Variants in TBL1X observed in about 807,000 individuals in gnomAD.
The protein encoded by TBL1X is F-box-like/WD repeat-containing protein TBL1X.
In TBL1X, 10 loss-of-function variants were observed where a neutral mutation model predicts 50.7. The ratio of observed to expected loss-of-function variants is 0.20; its 90% confidence interval spans 0.12 to 0.33. TBL1X has a LOEUF of 0.33. Among genes scored for constraint, TBL1X ranks in the 10% least tolerant of loss-of-function variants. The pLI, the probability that TBL1X is intolerant of heterozygous loss-of-function variation, is 1.00. For synonymous variants in TBL1X, 190 were observed against 214.7 expected (o/e 0.88, Z 1.01); for missense variants, 340 against 504.4 (o/e 0.67, Z 3.12).
At chrX:9,600,469 C>CGGG (rs1236527927) in intron 2 of TBL1X, among the ~76,000 whole-genome samples, 161 of 11,288 alleles carry the variant, frequency 0.014, 2 homozygotes, top group African/African-American at 0.029. Context: ...ATTTGGTGGG[C>CGGG]GGGGGGGGGG....
At chrX:9,655,148 C>T (rs996733718) in intron 5 of TBL1X, among the ~76,000 whole-genome samples, 5 of 111,179 alleles carry the variant, frequency 4.5e-5, no homozygotes, top group African/African-American at 9.8e-5. Context: ...AAGCGACATA[C>T]GGTGCAGGTG....
intron 2 of TBL1X, among the ~76,000 whole-genome samples, chrX:9,507,626 G>A (rs1054176705): frequency 3.6e-5 from 4 of 111,742 alleles, no homozygotes; most frequent in African/African-American, 6.5e-5. Context: ...AAGATCCCAC[G>A]TAGCCAAGAC....
At chrX:9,544,012 A>G (rs1478383756) in intron 2 of TBL1X, among the ~76,000 whole-genome samples, 1 of 110,736 alleles carries the variant, frequency 9.0e-6, no homozygotes, top group Non-Finnish European at 1.9e-5. Context: ...TGCCCTCCCC[A>G]CCCCTGCCCC....
At chrX:9,700,750 G>A (rs1215643554) in intron 12 of TBL1X, among the ~76,000 whole-genome samples, 2 of 111,130 alleles carry the variant, frequency 1.8e-5, no homozygotes, top group East Asian at 2.8e-4. Flanking sequence ...GTAACACCTC[G>A]TGGGGGCGCC....
chrX:9,614,482 G>C (rs761103638), intron 2 of TBL1X, among the ~76,000 whole-genome samples: 16 of 111,313 alleles, frequency 1.4e-4, no homozygotes, highest in African/African-American at 5.2e-4. Context: ...GGATCATTGA[G>C]TCCAGGAATT....
intron 2 of TBL1X, among the ~76,000 whole-genome samples, chrX:9,622,982 C>T (rs1386754926): frequency 8.9e-6 from 1 of 112,013 alleles, no homozygotes. Context: ...CTTCCAGTTC[C>T]TTTGCATATA....
intron 1 of TBL1X, among the ~76,000 whole-genome samples, chrX:9,467,618 CT>C (rs762841772): frequency 1.3e-3 from 138 of 104,891 alleles, no homozygotes; most frequent in Non-Finnish European, 1.9e-3. Context: ...ATTGTAAACA[CT>C]TTTTTTTTTT....
In TBL1X at chrX:9,491,331, TATATA is replaced by T. The variant is rs1277853071; in HGVS notation, c.-200-10448_-200-10444del. The stretch of plus-strand genomic sequence containing the variant: ...TTATATATATATATATATATATATA[TATATA>T]TATTTTTTTTTTTTTTTTCTTTGAG... On this transcript the variant is annotated intron_variant, in intron 1 of 17. Transcript: ENST00000645353. Among the ~76,000 whole-genome samples the T allele has an allele frequency of 9.8e-3, 283 of 28,850 alleles. 2 individuals are homozygous for T. Among genetic ancestry groups the T allele is most frequent in the African/African-American group, 0.036 (265 of 7,403 alleles). The allele number at this position is 28,850 out of a possible 115,157, so 25.1% of individuals were successfully genotyped here.
chrX:9,561,082 CTG>C (rs1197112853), intron 2 of TBL1X, among the ~76,000 whole-genome samples: 1 of 111,633 alleles, frequency 9.0e-6, no homozygotes, highest in African/African-American at 3.3e-5. Context: ...GGCTGACTGT[CTG>C]TGTAGGCTAG....
intron 1 of TBL1X, among the ~76,000 whole-genome samples, chrX:9,491,306 T>TTATATATA (rs757466880): frequency 9.1e-4 from 47 of 51,891 alleles, no homozygotes; most frequent in South Asian, 4.4e-3. Context: ...GCCAGTATAT[T>TTATATATA]TATATATATA....
chrX:9,698,573 T>C (rs1165643046), intron 12 of TBL1X, among the ~76,000 whole-genome samples: 1 of 111,515 alleles, frequency 9.0e-6, no homozygotes, highest in East Asian at 2.8e-4. Context: ...GCCCAGAGTT[T>C]TTATTGGGGG....
In TBL1X at chrX:9,697,418, C is replaced by G; in HGVS notation, c.1103C>G (p.Pro368Arg). Residue 368 changes from proline (P) to arginine (R), a missense_variant, in exon 12 of 18, where the codon CCT becomes CGT. Physicochemically the swap from Pro to Arg is moderately radical, Grantham distance 103. Transcript: ENST00000645353. ...AHTGEAKQQF[P>R]FHSAPALDVD... ...ACAGGAGAAGCCAAACAGCAGTTTC[C>G]TTTTCATTCAGGTGAGTTTTTTGTT... 8.3e-7 allele frequency: 1 copy of G among 1,210,164 alleles called. No homozygotes were observed. Among genetic ancestry groups the G allele is most frequent in the Non-Finnish European group, 1.1e-6 (1 of 895,342 alleles).
At chrX:9,552,125 G>A (rs765405481) in intron 2 of TBL1X, among the ~76,000 whole-genome samples, 1 of 112,355 alleles carries the variant, frequency 8.9e-6, no homozygotes, top group Admixed American at 9.4e-5. Context: ...TATAAGTCTC[G>A]TGGTTTGTTT....
intron 2 of TBL1X, among the ~76,000 whole-genome samples, chrX:9,568,351 CTG>C (rs1043411497): frequency 1.9e-5 from 2 of 106,926 alleles, no homozygotes; most frequent in Admixed American, 1.0e-4. Flanking sequence ...TTGTGTGTGT[CTG>C]TGCACGTGCT....
At chrX:9,673,577 C>T (rs1400850473) in intron 5 of TBL1X, among the ~76,000 whole-genome samples, 1 of 112,079 alleles carries the variant, frequency 8.9e-6, no homozygotes, top group Non-Finnish European at 1.9e-5. Flanking sequence ...TGGAATCTTT[C>T]TCATTTTTTC....
At chrX:9,507,590 A>AT (rs1282897978) in intron 2 of TBL1X, among the ~76,000 whole-genome samples, 3 of 112,263 alleles carry the variant, frequency 2.7e-5, no homozygotes, top group Admixed American at 9.4e-5. Flanking sequence ...AGGAAAACCT[A>AT]TTTTAAATTT....
chrX:9,675,867 G>A (rs1324166227), intron 5 of TBL1X, among the ~76,000 whole-genome samples: 2 of 104,588 alleles, frequency 1.9e-5, no homozygotes, highest in Admixed American at 1.0e-4. Flanking sequence ...CTCCAGCCTG[G>A]GTGACAAGAA....
At chrX:9,485,397 C>G (rs1478489633) in intron 1 of TBL1X, among the ~76,000 whole-genome samples, 1 of 112,228 alleles carries the variant, frequency 8.9e-6, no homozygotes, top group Non-Finnish European at 1.9e-5. Flanking sequence ...TTTGTGTAGT[C>G]GAACATGTCA....
intron 2 of TBL1X, among the ~76,000 whole-genome samples, chrX:9,515,965 T>A (rs1178631380): frequency 9.0e-6 from 1 of 111,418 alleles, no homozygotes; most frequent in African/African-American, 3.3e-5. Flanking sequence ...TGTTGAGTTG[T>A]ACTCGAAATG....
Sources: gnomAD v4.1 joint callset for allele counts (sites outside exome capture counted in the v4.1 genomes callset) on GRCh38, gnomAD v4.1.1 for gene constraint, MANE v1.5 for transcripts, NCBI Gene and HGNC (gene_info 2026-07-23, HGNC 2026-07-21) for gene names.